Variants in MBOAT2 observed in about 807,000 individuals in gnomAD.
The protein encoded by MBOAT2 is membrane bound glycerophospholipid O-acyltransferase 2, also known as membrane-bound glycerophospholipid O-acyltransferase 2.
MBOAT2 carries 28 observed loss-of-function variants against 63.4 expected under a neutral mutation model. The observed-to-expected ratio is 0.44, with a 90% confidence interval of 0.33 to 0.61. The LOEUF is 0.61. MBOAT2 is among the 20% of genes least tolerant of loss of function. The probability of loss-of-function intolerance (pLI) is 0.03; values close to 1 mark genes in which losing one functional copy is unlikely to be tolerated. For missense variants in MBOAT2, 470 were observed against 605.8 expected, an observed-to-expected ratio of 0.78 and a Z score of 2.35; for synonymous variants, 211 against 215.6, an observed-to-expected ratio of 0.98 and a Z score of 0.19.
At chr2:8,992,153 A>G (rs1388136695) in intron 1 of MBOAT2, among the ~76,000 whole-genome samples, 1 of 152,108 alleles carries the variant, frequency 6.6e-6, no homozygotes, top group Non-Finnish European at 1.5e-5. Flanking sequence ...TAATTTCTAG[A>G]CCTTTATTGC....
At position 8,995,886 on chromosome 2, in the gene MBOAT2, C is replaced by T. The variant is rs113481839; in HGVS notation, c.75+7654G>A. On this transcript the variant is annotated intron_variant, in intron 1 of 12. Transcript: ENST00000305997. ...GATTACAGGCGTGAGCCATCGCGCC[C>T]GGCCTACATTCCATTTTAATAAACT... Among the ~76,000 whole-genome samples the T allele has an allele frequency of 1.0e-2, 1,521 of 152,288 alleles. 19 individuals carry two copies. The highest frequency in any genetic ancestry group is 0.035 in the African/African-American group (1,447 of 41,562).
chr2:8,969,197 A>C (rs62119986), intron 1 of MBOAT2, among the ~76,000 whole-genome samples: 6,396 of 152,238 alleles, frequency 0.042, 147 homozygotes, highest in Non-Finnish European at 0.057. Context: ...ACAAGCCAGA[A>C]GAGAGTGGGG....
rs1030395223 is a variant in MBOAT2, at chr2:8,862,357, C to G, written c.1185+233G>C. The G allele has an allele frequency of 9.7e-6, 14 of 1,444,624 alleles. No homozygotes were observed. The African/African-American group carries it at 2.0e-4, about 20-fold the overall frequency. The allele number at this position is 1,444,624 out of a possible 1,614,324, so 89.5% of individuals were successfully genotyped here. ...CAAAGTAACATTTTGTGAGTGCCTC[C>G]TACCTGCCGGGCACATAGAAACGTG... On this transcript the variant is annotated intron_variant, in intron 11 of 12. Transcript: ENST00000305997. This position sits in a 1 kb window ranked among gnomAD's most constrained non-coding sequence, Gnocchi z 4.3.
chr2:8,908,948 G>A (rs551273630), intron 3 of MBOAT2, among the ~76,000 whole-genome samples: 1 of 152,052 alleles, frequency 6.6e-6, no homozygotes, highest in Non-Finnish European at 1.5e-5. Flanking sequence ...CCTTCTGAGA[G>A]ACATACACAC....
intron 4 of MBOAT2, among the ~76,000 whole-genome samples, chr2:8,900,970 T>C (rs1468862478): frequency 2.0e-5 from 3 of 152,146 alleles, no homozygotes; most frequent in Non-Finnish European, 4.4e-5. Flanking sequence ...TTAGGATGCA[T>C]TTCAAGGGTG....
rs1669386527 is a variant in MBOAT2 at position 8,958,514 on chromosome 2, TG to T, written c.203del (p.Ala68AspfsTer23). The T allele has an allele frequency of 6.3e-7, 1 of 1,594,870 alleles. No homozygotes were observed. Among genetic ancestry groups the T allele is most frequent in the Non-Finnish European group, 8.5e-7 (1 of 1,174,970 alleles). On this transcript the variant is annotated frameshift_variant, in exon 2 of 13. Transcript: ENST00000305997. LOFTEE classifies it high-confidence loss of function. ...TTACTTACCATCCAAAGCAAAAAAG[TG>T]CAAGATAAAGGCCCAAAAGGGTAGC... is the stretch of plus-strand genomic sequence containing the variant. ...VVATLLGLYLALFCFGWYALH... is the reference protein window; with the variant it reads ...VVATLLGLYLXLFCFGWYALH...
intron 1 of MBOAT2, among the ~76,000 whole-genome samples, chr2:8,979,539 C>T (rs1020175064): frequency 6.6e-6 from 1 of 152,196 alleles, no homozygotes; most frequent in African/African-American, 2.4e-5. Flanking sequence ...AGTCCCACCA[C>T]ATTTATCAGC....
intron 4 of MBOAT2, among the ~76,000 whole-genome samples, chr2:8,893,471 T>C (rs1251494973): frequency 2.0e-5 from 3 of 152,170 alleles, no homozygotes; most frequent in African/African-American, 4.8e-5. Flanking sequence ...AAAACACAAG[T>C]GATAATAATG....
At chr2:8,970,080 C>T (rs1670334846) in intron 1 of MBOAT2, among the ~76,000 whole-genome samples, 2 of 152,196 alleles carry the variant, frequency 1.3e-5, no homozygotes, top group South Asian at 4.1e-4. Flanking sequence ...CTTCTCAGCA[C>T]CACATCACAC....
intron 6 of MBOAT2, among the ~76,000 whole-genome samples, chr2:8,881,274 T>C (rs1396153823): frequency 6.6e-6 from 1 of 152,120 alleles, no homozygotes; most frequent in Non-Finnish European, 1.5e-5. Context: ...GGATTGCTTT[T>C]TTTTCTCTCC....
intron 1 of MBOAT2, among the ~76,000 whole-genome samples, chr2:8,991,046 T>A (rs1671889734): frequency 6.6e-6 from 1 of 152,166 alleles, no homozygotes; most frequent in South Asian, 2.1e-4. Context: ...TCTTGGGATA[T>A]AGGTAATAAG....
chr2:8,994,522 G>C (rs958328092), intron 1 of MBOAT2, among the ~76,000 whole-genome samples: 6 of 152,182 alleles, frequency 3.9e-5, no homozygotes, highest in Non-Finnish European at 1.5e-5. Context: ...CAGAGCAAAG[G>C]AGAGAGGCAG....
chr2:8,998,029 T>C (rs1672428127), intron 1 of MBOAT2, among the ~76,000 whole-genome samples: 1 of 152,244 alleles, frequency 6.6e-6, no homozygotes, highest in Non-Finnish European at 1.5e-5. Context: ...TAAGTTTTTA[T>C]TTATTTTCTC....
intron 4 of MBOAT2, among the ~76,000 whole-genome samples, chr2:8,903,914 C>T (rs1282078134): frequency 6.6e-6 from 1 of 152,142 alleles, no homozygotes; most frequent in Non-Finnish European, 1.5e-5. Flanking sequence ...CTCAAGACTC[C>T]ACAATTTTAC....
At chr2:8,868,979 G>A (rs924721997) in intron 8 of MBOAT2, among the ~76,000 whole-genome samples, 20 of 152,112 alleles carry the variant, frequency 1.3e-4, no homozygotes, top group African/African-American at 4.6e-4. Context: ...ATATATAAGT[G>A]AGGCATAATA....
At position 8,862,365 on chromosome 2, in the gene MBOAT2, C is replaced by T. The variant is rs757551672; in HGVS notation, c.1185+225G>A. ...CATTTTGTGAGTGCCTCCTACCTGC[C>T]GGGCACATAGAAACGTGTTTTCTCC... On this transcript the variant is annotated intron_variant, in intron 11 of 12. Coordinates refer to ENST00000305997, the MANE Select transcript of MBOAT2 (RefSeq NM_138799.4). This position sits in a 1 kb window ranked among gnomAD's most constrained non-coding sequence, Gnocchi z 4.3. 3.0e-5 allele frequency: 43 copies of T among 1,440,478 alleles called. No individual in the cohort carries two copies. Among genetic ancestry groups the T allele is most frequent in the East Asian group, 1.7e-4 (6 of 35,494 alleles). The allele number at this position is 1,440,478 out of a possible 1,614,324, so 89.2% of individuals were successfully genotyped here.
chr2:8,944,647 T>A (rs1335461758), intron 2 of MBOAT2, among the ~76,000 whole-genome samples: 2 of 126,082 alleles, frequency 1.6e-5, no homozygotes, highest in African/African-American at 7.4e-5. Flanking sequence ...TCTGTTTGAC[T>A]GACACACACA....
intron 8 of MBOAT2, among the ~76,000 whole-genome samples, chr2:8,869,214 T>A (rs1316643450): frequency 3.3e-5 from 5 of 150,886 alleles, no homozygotes; most frequent in Admixed American, 2.6e-4. Flanking sequence ...GCCTATTTTT[T>A]TTTTTTTTTT....
chr2:8,986,076 A>C (rs956476922), intron 1 of MBOAT2, among the ~76,000 whole-genome samples: 4 of 152,144 alleles, frequency 2.6e-5, no homozygotes, highest in African/African-American at 9.7e-5. Context: ...TGATGAAAAC[A>C]ACACTTCATC....
Sources: gnomAD v4.1 joint callset for allele counts (sites outside exome capture counted in the v4.1 genomes callset) on GRCh38, gnomAD v4.1.1 for gene constraint, Gnocchi (gnomAD v3.1) non-coding constraint, MANE v1.5 for transcripts, NCBI Gene and HGNC (gene_info 2026-07-23, HGNC 2026-07-21) for gene names.